The following CNNM2 variants were observed in gnomAD, a reference collection of about 807,000 sequenced individuals.
CNNM2 encodes cyclin and CBS domain divalent metal cation transport mediator 2, also known as metal transporter CNNM2.
A neutral mutation model predicts 66.9 loss-of-function variants in CNNM2; 12 were observed. The ratio of observed to expected loss-of-function variants is 0.18; its 90% confidence interval spans 0.11 to 0.29. CNNM2 has a LOEUF of 0.29. Ranked by LOEUF, CNNM2 falls within the 10% of genes least tolerant of loss-of-function variation. CNNM2 has a pLI of 1.00. For synonymous variants in CNNM2, 557 were observed against 501.8 expected, an observed-to-expected ratio of 1.11 and a Z score of -1.47; for missense variants, 705 against 1,167.7, an observed-to-expected ratio of 0.60 and a Z score of 5.77.
At chr10:102,972,183 A>G (rs955822401) in intron 1 of CNNM2, among the ~76,000 whole-genome samples, 20 of 152,176 alleles carry the variant, frequency 1.3e-4, no homozygotes, top group Non-Finnish European at 2.6e-4. Context: ...AAGTGTAACT[A>G]TCTTAATTCA....
intron 6 of CNNM2, among the ~76,000 whole-genome samples, chr10:103,075,138 G>A (rs1174117630): frequency 6.6e-6 from 1 of 152,220 alleles, no homozygotes; most frequent in Non-Finnish European, 1.5e-5. Context: ...AAGGGCAGGT[G>A]CAGCCAAGGG....
Position 103,077,251 on chromosome 10 carries a change from C to T in CNNM2, c.*71C>T, listed in dbSNP as rs894798118. ...AGGGCCCGGCCCTGTCTGCCCATGA[C>T]TTCACTGGTGTGAGCTTGTCCGCCA... is the stretch of plus-strand genomic sequence containing the variant. On this transcript the variant is annotated 3_prime_UTR_variant, in exon 8 of 8. Transcript: ENST00000369878. 7.2e-7 allele frequency: 1 copy of T among 1,386,278 alleles called. No homozygotes were observed. Among genetic ancestry groups the T allele is most frequent in the Non-Finnish European group, 1.0e-6 (1 of 991,316 alleles). 85.9% of individuals were successfully genotyped at this position (1,386,278 alleles called of 1,614,324 possible).
At position 103,087,557 on chromosome 10, in the gene CNNM2, G is replaced by A. The variant is rs1590530650; in HGVS notation, c.*10377G>A. On this transcript the variant is annotated 3_prime_UTR_variant, in exon 8 of 8. Transcript: ENST00000369878. Reference sequence around the variant, plus strand: ...TAAATTAAAGCAAAGCAATCATGTGGTCCTTACTCTAAAAGAGACAATATG... The same window carrying A: ...TAAATTAAAGCAAAGCAATCATGTGATCCTTACTCTAAAAGAGACAATATG... 6.6e-6 allele frequency: 1 copy of A among 152,130 alleles called. No individual in the cohort carries two copies. The highest frequency in any genetic ancestry group is 2.4e-5 in the African/African-American group (1 of 41,424). The allele number at this position is 152,130 out of a possible 1,614,324, so 9.4% of individuals were successfully genotyped here. A position where few individuals can be genotyped will look rare whatever the true frequency, so the allele number is the denominator to read the frequency against.
At chr10:103,010,669 G>C (rs2064325245) in intron 1 of CNNM2, among the ~76,000 whole-genome samples, 2 of 152,140 alleles carry the variant, frequency 1.3e-5, no homozygotes, top group African/African-American at 4.8e-5. Context: ...CTGGAGTGCA[G>C]TGGTGTGATA....
rs567317101 is a variant in CNNM2 at position 103,054,190 on chromosome 10, G to A, written c.1766-139G>A. 3.3e-5 allele frequency: 30 copies of A among 905,514 alleles called. No individual in the cohort carries two copies. The highest frequency in any genetic ancestry group is 2.5e-4 in the African/African-American group (15 of 59,306). The allele number at this position is 905,514 out of a possible 1,614,324, so 56.1% of individuals were successfully genotyped here. ...TCTGGCTCTCCCTCCCTCCTTCCCC[G>A]TGGCATCTGTGCATAGAGCGCCTGC... On this transcript the variant is annotated intron_variant, in intron 2 of 7. Transcript: ENST00000369878. This position sits in a 1 kb window ranked among gnomAD's most constrained non-coding sequence, Gnocchi z 5.2.
chr10:102,995,190 C>CTTCCTCCTCCTCTTCCCCTTT (rs1803881090), intron 1 of CNNM2, among the ~76,000 whole-genome samples: 1 of 312 alleles, frequency 3.2e-3, no homozygotes, highest in Non-Finnish European at 6.0e-3. Context: ...TCCTCCTCCC[C>CTTCCTCCTCCTCTTCCCCTTT]CTCTTCCTCC....
At chr10:103,029,447 G>A (rs1216599007) in intron 1 of CNNM2, among the ~76,000 whole-genome samples, 1 of 152,046 alleles carries the variant, frequency 6.6e-6, no homozygotes, top group East Asian at 1.9e-4. Flanking sequence ...CTGGGTGACA[G>A]AGCAAAACTC....
intron 1 of CNNM2, among the ~76,000 whole-genome samples, chr10:103,038,799 CT>C (rs2064987643): frequency 6.6e-6 from 1 of 152,162 alleles, no homozygotes; most frequent in South Asian, 2.1e-4. Flanking sequence ...AGGCTTTTGT[CT>C]CCCAGAATAG....
intron 1 of CNNM2, among the ~76,000 whole-genome samples, chr10:102,944,929 A>G (rs1846555967): frequency 6.7e-6 from 1 of 149,912 alleles, no homozygotes; most frequent in East Asian, 2.0e-4. Flanking sequence ...GATTTATCTT[A>G]TCTTCTCATA....
chr10:102,940,245 C>T (rs991523134), intron 1 of CNNM2, among the ~76,000 whole-genome samples: 6 of 151,908 alleles, frequency 3.9e-5, no homozygotes, highest in South Asian at 2.1e-4. Flanking sequence ...TGAGCCACTG[C>T]GCCTGGCCTC....
chr10:102,988,108 C>T (rs1346531800), intron 1 of CNNM2, among the ~76,000 whole-genome samples: 11 of 151,892 alleles, frequency 7.2e-5, no homozygotes, highest in Admixed American at 5.9e-4. Flanking sequence ...AGACCAGCCT[C>T]GGTAACCTGG....
chr10:103,022,033 G>A (rs1007205853), intron 1 of CNNM2, among the ~76,000 whole-genome samples: 2 of 152,144 alleles, frequency 1.3e-5, no homozygotes, highest in African/African-American at 4.8e-5. Context: ...TAAGTGAGAC[G>A]TGGCATTCTG....
intron 1 of CNNM2, among the ~76,000 whole-genome samples, chr10:102,964,489 A>G (rs1234351403): frequency 6.6e-6 from 1 of 152,196 alleles, no homozygotes. Context: ...TCGGCCTCCG[A>G]AAGAGCTGGG....
chr10:103,065,613 C>T (rs761190119), intron 4 of CNNM2, among the ~76,000 whole-genome samples: 3 of 152,222 alleles, frequency 2.0e-5, no homozygotes, highest in Non-Finnish European at 4.4e-5. Flanking sequence ...GGCCCTGTAA[C>T]TTGTACAACA....
chr10:102,991,239 C>T (rs527606373), intron 1 of CNNM2, among the ~76,000 whole-genome samples: 3 of 152,154 alleles, frequency 2.0e-5, no homozygotes, highest in Non-Finnish European at 4.4e-5. Context: ...CTGCCTGCCT[C>T]GGCCTCCCAA....
chr10:102,979,570 T>C (rs985372512), intron 1 of CNNM2, among the ~76,000 whole-genome samples: 9 of 152,248 alleles, frequency 5.9e-5, no homozygotes, highest in Non-Finnish European at 1.3e-4. Context: ...CTATGTTTAA[T>C]ATGTGTAACA....
intron 1 of CNNM2, among the ~76,000 whole-genome samples, chr10:102,925,601 G>A (rs977483651): frequency 4.6e-5 from 7 of 152,288 alleles, no homozygotes; most frequent in East Asian, 3.9e-4. Flanking sequence ...CTTCTAGATT[G>A]GAGTTCTTCC....
chr10:103,041,959 T>G lies in CNNM2; in HGVS notation c.1622-7748T>G, dbSNP rs146583101. Among the ~76,000 whole-genome samples, 225 of 152,272 alleles carry G rather than the reference T, an allele frequency of 1.5e-3. 1 individual carries two copies. Among genetic ancestry groups the G allele is most frequent in the African/African-American group, 5.1e-3 (214 of 41,562 alleles). On this transcript the variant is annotated intron_variant, in intron 1 of 7. Coordinates refer to ENST00000369878, the MANE Select transcript of CNNM2 (RefSeq NM_017649.5). ...TCTGCTACCATCTGTACTTGCTCAG[T>G]TTTTGTCTGTAGCTTACCTCTGTGT...
chr10:102,936,307 T>G (rs919716107), intron 1 of CNNM2, among the ~76,000 whole-genome samples: 1 of 152,194 alleles, frequency 6.6e-6, no homozygotes, highest in South Asian at 2.1e-4. Context: ...TAGCATGCTT[T>G]CTTATCTCTT....
Sources: gnomAD v4.1 joint callset for allele counts (sites outside exome capture counted in the v4.1 genomes callset) on GRCh38, gnomAD v4.1.1 for gene constraint, Gnocchi (gnomAD v3.1) non-coding constraint, MANE v1.5 for transcripts, NCBI Gene and HGNC (gene_info 2026-07-23, HGNC 2026-07-21) for gene names.